The following CYP46A1 variants were observed in gnomAD, a reference collection of about 807,000 sequenced individuals.
CYP46A1 encodes the protein cytochrome P450 family 46 subfamily A member 1, also known as cholesterol 24-hydroxylase.
A neutral mutation model predicts 63.3 loss-of-function variants in CYP46A1; 20 were observed. The ratio of observed to expected loss-of-function variants is 0.32; its 90% confidence interval spans 0.22 to 0.46. The LOEUF is 0.46. CYP46A1 is among the 20% of genes least tolerant of loss of function. The probability of loss-of-function intolerance (pLI) is 1.00; values close to 1 mark genes in which losing one functional copy is unlikely to be tolerated. For synonymous variants in CYP46A1, 268 were observed against 273.6 expected, an observed-to-expected ratio of 0.98 and a Z score of 0.20; for missense variants, 445 against 670.8, an observed-to-expected ratio of 0.66 and a Z score of 3.72.
At chr14:99,684,563 G>T in intron 1 of CYP46A1, 27 bp downstream of exon 1, 1 of 1,426,992 alleles carries the variant, frequency 7.0e-7, no homozygotes, top group South Asian at 1.4e-5. Context: ...GCGGGGCCTG[G>T]CTGGGGTGCT....
intron 3 of CYP46A1, among the ~76,000 whole-genome samples, chr14:99,697,924 G>T (rs1328225040): frequency 6.6e-6 from 1 of 151,930 alleles, no homozygotes; most frequent in Non-Finnish European, 1.5e-5. Context: ...TAGACCTCAG[G>T]TGACTCTAGG....
intron 5 of CYP46A1, among the ~76,000 whole-genome samples, chr14:99,700,322 T>C (rs866478495): frequency 1.5e-4 from 23 of 152,206 alleles, no homozygotes; most frequent in African/African-American, 5.5e-4. Context: ...CCACGCAGTT[T>C]GGGAACATCA....
In CYP46A1 at chr14:99,727,084, C is replaced by T. The variant is rs537530186; in HGVS notation, c.*357C>T. ...AGAAGCCCTCCTTGCCACCCCCCGCCGGCAGGGGCCCCTCCTCTGTGCTCC... is the reference window on the plus strand; with the variant it reads ...AGAAGCCCTCCTTGCCACCCCCCGCTGGCAGGGGCCCCTCCTCTGTGCTCC... On this transcript the variant is annotated 3_prime_UTR_variant, in exon 15 of 15. Coordinates refer to ENST00000261835, the MANE Select transcript of CYP46A1 (RefSeq NM_006668.2). 124 of 251,602 alleles carry T rather than the reference C, an allele frequency of 4.9e-4. No homozygotes were observed. The highest frequency in any genetic ancestry group is 2.5e-3 in the African/African-American group (111 of 45,092). The allele number at this position is 251,602 out of a possible 1,614,324, so 15.6% of individuals were successfully genotyped here.
At chr14:99,724,859 G>A (rs183561782) in intron 12 of CYP46A1, among the ~76,000 whole-genome samples, 1 of 152,340 alleles carries the variant, frequency 6.6e-6, no homozygotes, top group Non-Finnish European at 1.5e-5. Context: ...AGGACACAGA[G>A]TGAGCGTCAG....
chr14:99,692,501 G>A (rs1193229952), intron 3 of CYP46A1, among the ~76,000 whole-genome samples: 2 of 148,724 alleles, frequency 1.3e-5, no homozygotes, highest in East Asian at 2.0e-4. Flanking sequence ...ATCGTGCCAT[G>A]GCACTCCAGC....
At chr14:99,701,117 A>C (rs903125059) in intron 5 of CYP46A1, among the ~76,000 whole-genome samples, 1 of 152,274 alleles carries the variant, frequency 6.6e-6, no homozygotes, top group Non-Finnish European at 1.5e-5. Flanking sequence ...AAATGTTATT[A>C]CAAGAGTCAA....
chr14:99,719,345 GGGATT>G lies in CYP46A1; in HGVS notation c.980+1220_980+1224del, dbSNP rs1479594905. On this transcript the variant is annotated intron_variant, in intron 10 of 14. Coordinates refer to ENST00000261835, the MANE Select transcript of CYP46A1 (RefSeq NM_006668.2). ...TCCTGCCTCAGCCTCCAGAGTAGCT[GGGATT>G]ACAGGTGTGCACCACCACACCTGGC... Among the ~76,000 whole-genome samples the G allele has an allele frequency of 1.3e-4, 20 of 151,696 alleles. No individual in the cohort carries two copies. The South Asian group carries it at 2.9e-3, about 22-fold the overall frequency.
chr14:99,692,162 C>T (rs947705301), intron 3 of CYP46A1, among the ~76,000 whole-genome samples: 2 of 152,186 alleles, frequency 1.3e-5, no homozygotes, highest in African/African-American at 4.8e-5. Context: ...TCAGTTCCTT[C>T]ATCTGTGAGA....
In CYP46A1 at chr14:99,700,050, A is replaced by G; in HGVS notation, c.392A>G (p.Tyr131Cys). 3 of 1,557,640 alleles carry G rather than the reference A, an allele frequency of 1.9e-6. No homozygotes were observed. Among genetic ancestry groups the G allele is most frequent in the Non-Finnish European group, 1.7e-6 (2 of 1,148,098 alleles). The change falls in exon 5 of 15, where the codon TAT becomes TGT. Residue 131 changes from tyrosine to cysteine, a missense_variant. Tyr to Cys is a radical substitution (Grantham distance 194). Coordinates refer to ENST00000261835, the MANE Select transcript of CYP46A1 (RefSeq NM_006668.2). The part of the protein sequence containing the change: ...FGQGLVSECN[Y>C]ERWHKQRRVI... ...CAAGGCTTGGTGTCCGAATGCAACT[A>G]TGAGCGCTGGCACAAGCAGCGGAGA...
intron 14 of CYP46A1, 138 bp downstream of exon 14, chr14:99,726,394 A>G: frequency 8.6e-7 from 1 of 1,161,760 alleles, no homozygotes; most frequent in African/African-American, 1.6e-5. Flanking sequence ...CCAGACCCAG[A>G]GGACTGGCTG....
intron 5 of CYP46A1, among the ~76,000 whole-genome samples, chr14:99,700,952 A>ACC (rs2056625837): frequency 6.6e-6 from 1 of 152,262 alleles, no homozygotes; most frequent in East Asian, 1.9e-4. Context: ...GATGATCCTG[A>ACC]CCCTGTGTAG....
rs1246824933 is a variant in CYP46A1, at chr14:99,725,479, A to G, written c.1265A>G (p.Lys422Arg). ...NPDRFGPGAPKPRFTYFPFSL... is the reference protein window; with the variant it reads ...NPDRFGPGAPRPRFTYFPFSL... ...GATCGCTTCGGCCCTGGAGCACCCAAGTAAGTCCCTCCTGGAGCTGCCCAT... is the reference window on the plus strand; with the variant it reads ...GATCGCTTCGGCCCTGGAGCACCCAGGTAAGTCCCTCCTGGAGCTGCCCAT... Residue 422 changes from lysine (K) to arginine (R), a missense_variant and splice_region_variant, in exon 13 of 15, where the codon AAG (lysine) becomes AGG (arginine). Coordinates refer to ENST00000261835, the MANE Select transcript of CYP46A1 (RefSeq NM_006668.2). The surrounding 1 kb of genome is among the most constrained non-coding windows in gnomAD (Gnocchi z 4.2). 4 of 1,612,706 alleles carry G rather than the reference A, an allele frequency of 2.5e-6. No homozygotes were observed. The highest frequency in any genetic ancestry group is 3.4e-6 in the Non-Finnish European group (4 of 1,178,680).
chr14:99,696,899 C>A (rs1461909313), intron 3 of CYP46A1, among the ~76,000 whole-genome samples: 2 of 152,162 alleles, frequency 1.3e-5, no homozygotes, highest in Admixed American at 1.3e-4. Flanking sequence ...TCAGTTTGAT[C>A]CTTTCCAGGC....
In CYP46A1 at chr14:99,715,944, C is replaced by T. The variant is rs201604068; in HGVS notation, c.828C>T (p.Leu276=). The change falls in exon 8 of 15, where the codon CTC becomes CTT. Residue 276 remains leucine, a synonymous_variant. Coordinates refer to ENST00000261835, the MANE Select transcript of CYP46A1 (RefSeq NM_006668.2). ...GCGAGGAGGTTCCTGCCGACATCCTCACACAGATTCTGAAAGGTGCAAGGG... is the reference window on the plus strand; with the variant it reads ...GCGAGGAGGTTCCTGCCGACATCCTTACACAGATTCTGAAAGGTGCAAGGG... ...KRGEEVPADI[L]TQILKAEEGA... The T allele has an allele frequency of 1.0e-5, 16 of 1,583,594 alleles. No homozygotes were observed. In the African/African-American group the frequency reaches 2.2e-4, roughly 21 times the overall value.
At chr14:99,714,597 A>G (rs760738054) in intron 7 of CYP46A1, among the ~76,000 whole-genome samples, 3 of 151,978 alleles carry the variant, frequency 2.0e-5, no homozygotes, top group Non-Finnish European at 4.4e-5. Context: ...CATCTCTACT[A>G]AAAATACAAA....
At chr14:99,691,375 G>GA (rs1348585332) in intron 2 of CYP46A1, 10 of 601,104 alleles carry the variant, frequency 1.7e-5, no homozygotes, top group Non-Finnish European at 3.0e-5. Context: ...CCAGCCGTCA[G>GA]AAGCTCTCTG....
chr14:99,708,029 G>A (rs557122774), intron 7 of CYP46A1: 105 of 282,160 alleles, frequency 3.7e-4, no homozygotes, highest in African/African-American at 2.0e-3. Context: ...TGGCTGCTGC[G>A]AAAGGTGCAC....
intron 5 of CYP46A1, among the ~76,000 whole-genome samples, chr14:99,701,309 C>T (rs1436758504): frequency 6.6e-6 from 1 of 152,174 alleles, no homozygotes; most frequent in African/African-American, 2.4e-5. Flanking sequence ...ACTGACTCAC[C>T]CAGAGCAACT....
intron 7 of CYP46A1, among the ~76,000 whole-genome samples, chr14:99,714,746 G>A (rs544093357): frequency 2.1e-5 from 3 of 142,582 alleles, no homozygotes; most frequent in Non-Finnish European, 4.5e-5. Context: ...GGCAACAAGA[G>A]TGAAACCCCA....
Sources: gnomAD v4.1 joint callset for allele counts (sites outside exome capture counted in the v4.1 genomes callset) on GRCh38, gnomAD v4.1.1 for gene constraint, Gnocchi (gnomAD v3.1) non-coding constraint, MANE v1.5 for transcripts, NCBI Gene and HGNC (gene_info 2026-07-23, HGNC 2026-07-21) for gene names.